Variants in SMC5 observed in about 807,000 individuals in gnomAD.
SMC5 encodes the protein structural maintenance of chromosomes 5.
In SMC5, 88 loss-of-function variants were observed where a neutral mutation model predicts 148.3. That is an observed-to-expected ratio of 0.59 (90% CI 0.50 to 0.71). The LOEUF is 0.71. Ranked by LOEUF, SMC5 falls within the 30% of genes least tolerant of loss-of-function variation. SMC5 has a pLI of 0.00. For missense variants in SMC5, 1,142 were observed against 1,298.9 expected, an observed-to-expected ratio of 0.88 and a Z score of 1.86; for synonymous variants, 421 against 432.8, an observed-to-expected ratio of 0.97 and a Z score of 0.34.
chr9:70,339,009 A>T (rs926494025), intron 17 of SMC5, among the ~76,000 whole-genome samples: 1 of 152,156 alleles, frequency 6.6e-6, no homozygotes, highest in Non-Finnish European at 1.5e-5. Context: ...ATAAAATAAA[A>T]TTTTTTAATG....
rs1455565313 is a variant in SMC5, at chr9:70,258,996, G to A, written c.-83G>A. On this transcript the variant is annotated 5_prime_UTR_variant, in exon 1 of 25. Coordinates refer to ENST00000361138, the MANE Select transcript of SMC5 (RefSeq NM_015110.4). ...TCGCGGCAGTTCGCGCGGGAGCGGG[G>A]CGCCTGGGTGGATGGGCGCTTGGGC... 4.9e-6 allele frequency: 7 copies of A among 1,439,098 alleles called. No individual in the cohort carries two copies. The South Asian group carries it at 5.8e-5, about 12-fold the overall frequency. 89.1% of individuals were successfully genotyped at this position (1,439,098 alleles called of 1,614,324 possible).
intron 9 of SMC5, among the ~76,000 whole-genome samples, chr9:70,298,632 A>G (rs2035272788): frequency 6.6e-6 from 1 of 151,792 alleles, no homozygotes; most frequent in South Asian, 2.1e-4. Flanking sequence ...CTGTGGTATT[A>G]TTTGGATAGG....
At chr9:70,262,615 T>A (rs2034169841) in intron 1 of SMC5, among the ~76,000 whole-genome samples, 1 of 152,210 alleles carries the variant, frequency 6.6e-6, no homozygotes, top group Non-Finnish European at 1.5e-5. Context: ...ATGTGTTAAG[T>A]TTAAGATGAC....
At chr9:70,295,938 T>C (rs905067806) in intron 8 of SMC5, among the ~76,000 whole-genome samples, 2 of 152,184 alleles carry the variant, frequency 1.3e-5, no homozygotes, top group African/African-American at 2.4e-5. Flanking sequence ...TCCCTTGAAT[T>C]TCCTATTATC....
intron 2 of SMC5, among the ~76,000 whole-genome samples, chr9:70,265,560 A>G (rs1371011245): frequency 2.0e-5 from 3 of 152,236 alleles, no homozygotes; most frequent in African/African-American, 7.2e-5. Context: ...AACTCTCATT[A>G]AATTATAAAG....
rs746747695 is a variant in SMC5, at chr9:70,305,293, T to C, written c.1511T>C (p.Ile504Thr). 1.2e-6 allele frequency: 2 copies of C among 1,603,242 alleles called. No homozygotes were observed. The highest frequency in any genetic ancestry group is 1.7e-6 in the Non-Finnish European group (2 of 1,172,752). ...AATGCCAAATATATTGAAAATCATA[T>C]TCCATCAAATGACTTAAGAGCCTTT... ...NKNAKYIENH[I>T]PSNDLRAFVF... Residue 504 changes from isoleucine (I) to threonine (T), a missense_variant, in exon 11 of 25, where the codon ATT (isoleucine) becomes ACT (threonine). Physicochemically the swap from Ile to Thr is moderately conservative, Grantham distance 89. Coordinates refer to ENST00000361138, the MANE Select transcript of SMC5 (RefSeq NM_015110.4).
Position 70,280,782 on chromosome 9 carries a change from G to A in SMC5, c.702G>A (p.Glu234=), listed in dbSNP as rs572677377. The A allele has an allele frequency of 3.7e-6, 6 of 1,612,896 alleles. No homozygotes were observed. The East Asian group carries it at 1.1e-4, about 30-fold the overall frequency. The change falls in exon 6 of 25, where the codon GAG becomes GAA. Residue 234 remains glutamate, a synonymous_variant. Transcript: ENST00000361138. ...AGACCTCATGCAAAGAGAAAACTGA[G>A]TATCTACAGAAAATGGTTCAGAGGA... ...QLETSCKEKT[E]YLQKMVQRNE...
At chr9:70,289,682 A>G (rs2035007890) in intron 8 of SMC5, among the ~76,000 whole-genome samples, 1 of 151,502 alleles carries the variant, frequency 6.6e-6, no homozygotes, top group South Asian at 2.1e-4. Context: ...TTTTTATTCT[A>G]TAGGTTGAAA....
At chr9:70,271,003 G>T (rs544036566) in intron 3 of SMC5, among the ~76,000 whole-genome samples, 1 of 152,096 alleles carries the variant, frequency 6.6e-6, no homozygotes, top group African/African-American at 2.4e-5. Context: ...GGGACCAGAA[G>T]TGTTTTGGAT....
At chr9:70,291,006 T>A (rs11142352) in intron 8 of SMC5, among the ~76,000 whole-genome samples, 2 of 152,186 alleles carry the variant, frequency 1.3e-5, no homozygotes, top group Non-Finnish European at 2.9e-5. Context: ...TTGTTGAAAC[T>A]GAACAGTTTA....
chr9:70,277,550 A>C, intron 4 of SMC5, 78 bp downstream of exon 4: 3 of 1,158,746 alleles, frequency 2.6e-6, no homozygotes, highest in Non-Finnish European at 3.5e-6. Flanking sequence ...GGGATATCAT[A>C]ATGACTGCTA....
chr9:70,272,750 T>C lies in SMC5; in HGVS notation c.381-4560T>C, dbSNP rs185722321. Among the ~76,000 whole-genome samples the C allele has an allele frequency of 2.0e-4, 30 of 152,246 alleles. No individual in the cohort carries two copies. In the East Asian group the frequency reaches 5.8e-3, roughly 29 times the overall value. On this transcript the variant is annotated intron_variant, in intron 3 of 24. Coordinates refer to ENST00000361138, the MANE Select transcript of SMC5 (RefSeq NM_015110.4). Reference sequence around the variant, plus strand: ...AACGTATCTGCTACAGTGCACCGTTTAGAGATTGAACATAGGGAAAACTAG... The same window carrying C: ...AACGTATCTGCTACAGTGCACCGTTCAGAGATTGAACATAGGGAAAACTAG...
In SMC5 at chr9:70,352,460, A is replaced by C. The variant is rs953231654; in HGVS notation, c.*129A>C. The C allele has an allele frequency of 1.1e-6, 1 of 910,262 alleles. No individual in the cohort carries two copies. The highest frequency in any genetic ancestry group is 2.9e-5 in the Admixed American group (1 of 34,574). 56.4% of individuals were successfully genotyped at this position (910,262 alleles called of 1,614,324 possible). On this transcript the variant is annotated 3_prime_UTR_variant, in exon 25 of 25. Coordinates refer to ENST00000361138, the MANE Select transcript of SMC5 (RefSeq NM_015110.4). ...TTTTGGAAACCTGCTTTTAAATACA[A>C]ATAGGTTGATAATGGAAACTATAAT...
intron 1 of SMC5, among the ~76,000 whole-genome samples, chr9:70,261,882 A>C (rs928813516): frequency 5.3e-5 from 8 of 152,246 alleles, no homozygotes; most frequent in African/African-American, 1.9e-4. Context: ...CACCTGCTAC[A>C]TTGAAGTCAG....
chr9:70,283,478 A>G (rs542811377), intron 7 of SMC5, among the ~76,000 whole-genome samples: 26 of 152,232 alleles, frequency 1.7e-4, no homozygotes, highest in Non-Finnish European at 2.9e-4. Flanking sequence ...AAAAATGTAT[A>G]TAATAATAAA....
intron 11 of SMC5, chr9:70,311,763 TA>T (rs1251637502): frequency 6.6e-6 from 1 of 151,236 alleles, no homozygotes; most frequent in East Asian, 2.0e-4. Context: ...CAAAGCACAA[TA>T]AAATGAGGTA....
intron 15 of SMC5, among the ~76,000 whole-genome samples, chr9:70,322,709 G>A (rs548022053): frequency 2.6e-5 from 4 of 152,068 alleles, no homozygotes; most frequent in South Asian, 4.2e-4. Flanking sequence ...GGCGGTGGGC[G>A]CCTGTAATCC....
In SMC5 at chr9:70,259,326, C is replaced by G. The variant is rs1225803526; in HGVS notation, c.185+63C>G. ...GTGCTGGCCAGCAGGCCCCGGGGCT[C>G]CGGCAGCGCGCGGGCGTGGGCGTGT... is the stretch of plus-strand genomic sequence containing the variant. On this transcript the variant is annotated intron_variant, in intron 1 of 24. Transcript: ENST00000361138. 2.7e-6 allele frequency: 4 copies of G among 1,474,394 alleles called. No individual in the cohort carries two copies. The East Asian group carries it at 7.6e-5, about 28-fold the overall frequency. 91.3% of individuals were successfully genotyped at this position (1,474,394 alleles called of 1,614,324 possible). A position where few individuals can be genotyped will look rare whatever the true frequency, so the allele number is the denominator to read the frequency against.
At chr9:70,290,379 G>C (rs2035025902) in intron 8 of SMC5, among the ~76,000 whole-genome samples, 1 of 151,918 alleles carries the variant, frequency 6.6e-6, no homozygotes. Context: ...TGCAGAAAGG[G>C]GCTTGTTATG....
Sources: gnomAD v4.1 joint callset for allele counts (sites outside exome capture counted in the v4.1 genomes callset) on GRCh38, gnomAD v4.1.1 for gene constraint, MANE v1.5 for transcripts, NCBI Gene and HGNC (gene_info 2026-07-23, HGNC 2026-07-21) for gene names.